Variants in MYO1C observed in about 807,000 individuals in gnomAD.
The protein encoded by MYO1C is myosin IC.
A neutral mutation model predicts 150.8 loss-of-function variants in MYO1C; 104 were observed. That is an observed-to-expected ratio of 0.69 (90% CI 0.59 to 0.81). MYO1C has a LOEUF of 0.81. Ranked by LOEUF, MYO1C falls within the 30% of genes least tolerant of loss-of-function variation. MYO1C has a pLI of 0.00. For missense variants in MYO1C, 1,504 were observed against 1,435.0 expected, an observed-to-expected ratio of 1.05 and a Z score of -0.78; for synonymous variants, 663 against 579.9, an observed-to-expected ratio of 1.14 and a Z score of -2.06.
At chr17:1,471,838 C>T (rs1409705088) in intron 19 of MYO1C, 69 bp downstream of exon 19, 4 of 1,500,436 alleles carry the variant, frequency 2.7e-6, no homozygotes, top group Non-Finnish European at 3.7e-6. Flanking sequence ...CCTTGTCTGC[C>T]CTCATGGGAC....
In MYO1C at chr17:1,479,171, T is replaced by C. The variant is rs112108005; in HGVS notation, c.1092+260A>G. Reference sequence around the variant, plus strand: ...CACCATGCCCGGCTAATTTTTGTATTCTTAGTAGATGGGGTTTCACCATGT... The same window carrying C: ...CACCATGCCCGGCTAATTTTTGTATCCTTAGTAGATGGGGTTTCACCATGT... On this transcript the variant is annotated intron_variant, in intron 9 of 31. Coordinates refer to ENST00000648651, the MANE Select transcript of MYO1C (RefSeq NM_001080779.2). The surrounding 1 kb of genome is among the most constrained non-coding windows in gnomAD (Gnocchi z 4.2). Among the ~76,000 whole-genome samples, 159 of 152,218 alleles carry C rather than the reference T, an allele frequency of 1.0e-3. 3 individuals carry two copies. The highest frequency in any genetic ancestry group is 3.5e-3 in the African/African-American group (146 of 41,520).
rs761801923 is a variant in MYO1C at position 1,479,715 on chromosome 17, C to G, written c.907-10G>C. 9.4e-6 allele frequency: 15 copies of G among 1,601,300 alleles called. No individual in the cohort carries two copies. Among genetic ancestry groups the G allele is most frequent in the Non-Finnish European group, 1.3e-5 (15 of 1,173,310 alleles). ...CGATGCTCAGCAGGTCCTGGGGGAG[C>G]AGGCCGGGGGCAGGAGGGGGTGAGA... is the stretch of plus-strand genomic sequence containing the variant. On this transcript the variant is annotated splice_polypyrimidine_tract_variant and intron_variant, in intron 7 of 31. Transcript: ENST00000648651. This position sits in a 1 kb window ranked among gnomAD's most constrained non-coding sequence, Gnocchi z 4.2.
chr17:1,492,353 G>C (rs1467131647), intron 1 of MYO1C, 60 bp downstream of exon 1: 18 of 1,524,142 alleles, frequency 1.2e-5, no homozygotes, highest in Non-Finnish European at 1.6e-5. Flanking sequence ...CCTGAGAGGG[G>C]CTGCCCGGCC....
At chr17:1,481,962 G>A (rs751540566) in intron 5 of MYO1C, among the ~76,000 whole-genome samples, 2 of 152,034 alleles carry the variant, frequency 1.3e-5, no homozygotes, top group Non-Finnish European at 2.9e-5. Context: ...CAGCACCCTC[G>A]TATCTCAGGC....
At chr17:1,469,278 G>C (rs79063769) in intron 25 of MYO1C, 1 of 532,356 alleles carries the variant, frequency 1.9e-6, no homozygotes, top group Non-Finnish European at 3.5e-6. Context: ...GCGGTAAATA[G>C]AGTAGACTGG....
At position 1,469,136 on chromosome 17, in the gene MYO1C, C is replaced by T. The variant is rs939996183; in HGVS notation, c.2610+395G>A. 2.4e-5 allele frequency: 8 copies of T among 336,842 alleles called. 1 individual carries two copies. In the East Asian group the frequency reaches 3.1e-4, roughly 13 times the overall value. The allele number at this position is 336,842 out of a possible 1,614,324, so 20.9% of individuals were successfully genotyped here. On this transcript the variant is annotated intron_variant, in intron 25 of 31. Coordinates refer to ENST00000648651, the MANE Select transcript of MYO1C (RefSeq NM_001080779.2). Reference sequence around the variant, plus strand: ...GTAGACTAGGGTAAATAGAGCAGACCGGGGTAAATAGAGCAGACCGGGGTA... The same window carrying T: ...GTAGACTAGGGTAAATAGAGCAGACTGGGGTAAATAGAGCAGACCGGGGTA...
chr17:1,471,284 C>T lies in MYO1C; in HGVS notation c.2074G>A (p.Asp692Asn). The change falls in exon 20 of 32, where the codon GAT (aspartate) becomes AAT (asparagine). Residue 692 changes from aspartate to asparagine, a missense_variant. Transcript: ENST00000648651. ...TGTCGGACCAGCACAGCCACCCCAT[C>T]CTGCGGCCGTCCTGCCCACGTGGGC... ...TWPTWAGRPQ[D>N]GVAVLVRHLG... The T allele has an allele frequency of 6.2e-7, 1 of 1,614,016 alleles. No individual in the cohort carries two copies. Among genetic ancestry groups the T allele is most frequent in the Non-Finnish European group, 8.5e-7 (1 of 1,179,998 alleles).
intron 14 of MYO1C, among the ~76,000 whole-genome samples, chr17:1,476,330 G>A (rs1016336226): frequency 9.2e-5 from 14 of 151,990 alleles, no homozygotes; most frequent in African/African-American, 2.7e-4. Context: ...CCACTACCAC[G>A]CCTGACTAAT....
At chr17:1,476,467 G>A (rs925040068) in intron 14 of MYO1C, among the ~76,000 whole-genome samples, 7 of 152,010 alleles carry the variant, frequency 4.6e-5, no homozygotes. Context: ...GAGCCACCAC[G>A]CCCATCCAGA....
Position 1,470,297 on chromosome 17 carries a change from A to G in MYO1C, c.2404T>C (p.Cys802Arg). The G allele has an allele frequency of 6.6e-7, 1 of 1,525,998 alleles. No individual in the cohort carries two copies. The highest frequency in any genetic ancestry group is 8.8e-7 in the Non-Finnish European group (1 of 1,140,112). The allele number at this position is 1,525,998 out of a possible 1,614,324, so 94.5% of individuals were successfully genotyped here. The change falls in exon 24 of 32, where the codon TGC becomes CGC. Residue 802 changes from cysteine to arginine, a missense_variant. Coordinates refer to ENST00000648651, the MANE Select transcript of MYO1C (RefSeq NM_001080779.2). The stretch of plus-strand genomic sequence containing the variant: ...TCCAGGAAGAAGGCGTTCTCGGGGC[A>G]GCGGGGGGCGTGGCGCAGGACGAAG... ...RGFVLRHAPRCPENAFFLDHV... is the reference protein window; with the variant it reads ...RGFVLRHAPRRPENAFFLDHV...
At chr17:1,485,661 C>A (rs966390848) in intron 1 of MYO1C, 9 of 1,201,808 alleles carry the variant, frequency 7.5e-6, no homozygotes, top group East Asian at 3.6e-5. Context: ...ACGCCCGGGA[C>A]CCCCCGCCCT....
rs962862069 is a variant in MYO1C at position 1,484,599 on chromosome 17, G to A, written c.76-296C>T. On this transcript the variant is annotated intron_variant, in intron 1 of 31. Coordinates refer to ENST00000648651, the MANE Select transcript of MYO1C (RefSeq NM_001080779.2). Reference sequence around the variant, plus strand: ...CACTTGGGACTCGGACACAGGGCATGGACGCAGGCAGGACCAGAGGGCAGA... The same window carrying A: ...CACTTGGGACTCGGACACAGGGCATAGACGCAGGCAGGACCAGAGGGCAGA... 3 of 554,638 alleles carry A rather than the reference G, an allele frequency of 5.4e-6. No individual in the cohort carries two copies. The African/African-American group carries it at 5.7e-5, about 11-fold the overall frequency. 34.4% of individuals were successfully genotyped at this position (554,638 alleles called of 1,614,324 possible). A position where few individuals can be genotyped will look rare whatever the true frequency, so the allele number is the denominator to read the frequency against.
chr17:1,484,280 C>T lies in MYO1C; in HGVS notation c.99G>A (p.Arg33=), dbSNP rs143444442. The T allele has an allele frequency of 5.6e-5, 90 of 1,611,228 alleles. No individual in the cohort carries two copies. The African/African-American group carries it at 8.9e-4, about 16-fold the overall frequency. ...CKLALGSDGV[R]VTMESALTAR... is the part of the protein sequence containing the mutation. The stretch of plus-strand genomic sequence containing the variant: ...CGGTGAGCGCACTCTCCATGGTCAC[C>T]CGAACCCCGTCACTGCCCAGGGCCT... Residue 33 remains arginine (R), a synonymous_variant, in exon 2 of 32, where the codon CGG becomes CGA. Transcript: ENST00000648651.
chr17:1,478,530 C>G lies in MYO1C; in HGVS notation c.1213-38G>C. 1 of 1,613,722 alleles carries G rather than the reference C, an allele frequency of 6.2e-7. No individual in the cohort carries two copies. Among genetic ancestry groups the G allele is most frequent in the South Asian group, 1.1e-5 (1 of 91,076 alleles). On this transcript the variant is annotated intron_variant, in intron 10 of 31. Transcript: ENST00000648651. This position sits in a 1 kb window ranked among gnomAD's most constrained non-coding sequence, Gnocchi z 6.3. ...TTCAACCGAAGGCGTGGGCCCCCTG[C>G]GCGTGCCAGCCCCACCCTGCAGCAC...
rs375256361 is a variant in MYO1C, at chr17:1,478,700, G to A, written c.1128C>T (p.Tyr376=). Residue 376 remains tyrosine (Y), a synonymous_variant, in exon 10 of 32, where the codon TAC becomes TAT. Transcript: ENST00000648651. This position sits in a 1 kb window ranked among gnomAD's most constrained non-coding sequence, Gnocchi z 6.3. The part of the protein sequence containing the change: ...LSPLNLEQAA[Y]ARDALAKAVY... ...CAGCCTTGGCGAGGGCGTCTCGTGC[G>A]TACGCGGCCTGCTCCAGGTTCAGCG... 9.5e-5 allele frequency: 153 copies of A among 1,614,178 alleles called. No individual in the cohort carries two copies. The South Asian group carries it at 1.1e-3, about 11-fold the overall frequency.
chr17:1,489,802 C>T (rs530958906), intron 1 of MYO1C, among the ~76,000 whole-genome samples: 1 of 151,556 alleles, frequency 6.6e-6, no homozygotes, highest in South Asian at 2.1e-4. Context: ...CTTTGGGAGG[C>T]CAAGGCAGGC....
chr17:1,488,542 CAGA>C (rs2074694496), intron 1 of MYO1C, among the ~76,000 whole-genome samples: 1 of 152,218 alleles, frequency 6.6e-6, no homozygotes, highest in East Asian at 1.9e-4. Context: ...CACTCCAATG[CAGA>C]AGAACTTGAG....
Position 1,478,869 on chromosome 17 carries a change from G to A in MYO1C, c.1093-134C>T. 2 of 1,434,460 alleles carry A rather than the reference G, an allele frequency of 1.4e-6. No homozygotes were observed. The highest frequency in any genetic ancestry group is 1.9e-6 in the Non-Finnish European group (2 of 1,051,812). The allele number at this position is 1,434,460 out of a possible 1,614,324, so 88.9% of individuals were successfully genotyped here. ...TCCAGCAAGCCTGCAGTATGGGGAG[G>A]GGTGCTGGTAGTGGGACCTCAGGGA... On this transcript the variant is annotated intron_variant, in intron 9 of 31. Coordinates refer to ENST00000648651, the MANE Select transcript of MYO1C (RefSeq NM_001080779.2). This position sits in a 1 kb window ranked among gnomAD's most constrained non-coding sequence, Gnocchi z 6.3.
In MYO1C at chr17:1,474,643, C is replaced by G. The variant is rs149926987; in HGVS notation, c.1764G>C (p.Arg588=). The G allele has an allele frequency of 3.9e-4, 627 of 1,614,034 alleles. No homozygotes were observed. Among genetic ancestry groups the G allele is most frequent in the Admixed American group, 1.8e-3 (110 of 60,030 alleles). ...GCCGCTTCTTGTCACTGAGCTCGCTCCGGTCAAAGCACTGGCTCATAATGG... is the reference window on the plus strand; with the variant it reads ...GCCGCTTCTTGTCACTGAGCTCGCTGCGGTCAAAGCACTGGCTCATAATGG... The part of the protein sequence containing the change: ...KNPIMSQCFD[R]SELSDKKRPE... The change falls in exon 17 of 32, where the codon CGG becomes CGC. Residue 588 remains arginine, a synonymous_variant. Transcript: ENST00000648651.
Sources: gnomAD v4.1 joint callset for allele counts (sites outside exome capture counted in the v4.1 genomes callset) on GRCh38, gnomAD v4.1.1 for gene constraint, Gnocchi (gnomAD v3.1) non-coding constraint, MANE v1.5 for transcripts, NCBI Gene and HGNC (gene_info 2026-07-23, HGNC 2026-07-21) for gene names.